Variants in NRG3 observed in about 807,000 individuals in gnomAD.
NRG3 encodes pro-neuregulin-3, membrane-bound isoform.
Under a neutral mutation model 66.9 loss-of-function variants are expected in NRG3, and 31 were observed. The ratio of observed to expected loss-of-function variants is 0.46; its 90% confidence interval spans 0.35 to 0.63. The LOEUF is 0.63. NRG3 is among the 20% of genes least tolerant of loss of function. NRG3 has a pLI of 0.00. For synonymous variants in NRG3, 393 were observed against 359.4 expected (o/e 1.09, Z -1.06); for missense variants, 910 against 878.9 (o/e 1.04, Z -0.45).
At chr10:82,279,883 C>A (rs1343816585) in intron 1 of NRG3, among the ~76,000 whole-genome samples, 6 of 152,112 alleles carry the variant, frequency 3.9e-5, no homozygotes, top group Non-Finnish European at 8.8e-5. Flanking sequence ...TAAGTAATGG[C>A]CTTTCTCTGG....
chr10:82,153,081 C>G (rs979643183), intron 1 of NRG3, among the ~76,000 whole-genome samples: 1 of 151,992 alleles, frequency 6.6e-6, no homozygotes, highest in Non-Finnish European at 1.5e-5. Flanking sequence ...CTTTTAAAAT[C>G]TACTCTTTTA....
At chr10:82,361,445 G>A (rs2084135452) in intron 2 of NRG3, among the ~76,000 whole-genome samples, 1 of 152,120 alleles carries the variant, frequency 6.6e-6, no homozygotes, top group Non-Finnish European at 1.5e-5. Context: ...GCTTTGCTGT[G>A]AATAAAAGGC....
chr10:82,304,921 C>A (rs543145451), intron 1 of NRG3, among the ~76,000 whole-genome samples: 3 of 149,934 alleles, frequency 2.0e-5, no homozygotes, highest in African/African-American at 7.4e-5. Context: ...TATTGACTAT[C>A]ACAGATCTTC....
At chr10:82,824,739 C>T (rs2062116423) in intron 3 of NRG3, among the ~76,000 whole-genome samples, 1 of 146,288 alleles carries the variant, frequency 6.8e-6, no homozygotes. Context: ...TTTTTTGAGG[C>T]AGGGTCTCAC....
intron 1 of NRG3, among the ~76,000 whole-genome samples, chr10:82,188,565 G>T (rs576140380): frequency 3.1e-4 from 47 of 152,070 alleles, no homozygotes; most frequent in African/African-American, 1.1e-3. Flanking sequence ...ACAAGGAATC[G>T]ATAACCAGAA....
chr10:82,493,686 G>A (rs1346015347), intron 2 of NRG3, among the ~76,000 whole-genome samples: 1 of 152,076 alleles, frequency 6.6e-6, no homozygotes, highest in Non-Finnish European at 1.5e-5. Context: ...CATAGGGATG[G>A]GCAAAGATTT....
intron 2 of NRG3, among the ~76,000 whole-genome samples, chr10:82,666,477 C>T (rs912289750): frequency 6.6e-6 from 1 of 152,162 alleles, no homozygotes; most frequent in Admixed American, 6.5e-5. Flanking sequence ...AGTCTGAAAT[C>T]CTCAGCCTTC....
chr10:82,116,669 G>T (rs1351687129), intron 1 of NRG3, among the ~76,000 whole-genome samples: 3 of 152,060 alleles, frequency 2.0e-5, no homozygotes, highest in Non-Finnish European at 4.4e-5. Context: ...ATTTCCTTTT[G>T]TAAACAAAAG....
At chr10:81,888,005 G>C (rs1276766501) in intron 1 of NRG3, among the ~76,000 whole-genome samples, 1 of 152,114 alleles carries the variant, frequency 6.6e-6, no homozygotes, top group African/African-American at 2.4e-5. Context: ...AAAAATAAGA[G>C]AAAACTTCAG....
At chr10:82,356,161 G>A (rs759316146) in intron 1 of NRG3, among the ~76,000 whole-genome samples, 4 of 152,058 alleles carry the variant, frequency 2.6e-5, no homozygotes, top group Non-Finnish European at 5.9e-5. Context: ...AGAATGGGGC[G>A]GTAACCACTA....
At chr10:82,239,212 G>A (rs2076898576) in intron 1 of NRG3, among the ~76,000 whole-genome samples, 1 of 151,896 alleles carries the variant, frequency 6.6e-6, no homozygotes, top group African/African-American at 2.4e-5. Flanking sequence ...GTATATATAT[G>A]CATATATACA....
intron 4 of NRG3, among the ~76,000 whole-genome samples, chr10:82,933,084 A>T (rs899484759): frequency 6.6e-6 from 1 of 152,130 alleles, no homozygotes; most frequent in South Asian, 2.1e-4. Context: ...GGAAGCAGCA[A>T]ATTTTCTCAG....
chr10:82,326,907 G>A lies in NRG3; in HGVS notation c.824-31832G>A, dbSNP rs186102475. Among the ~76,000 whole-genome samples the A allele has an allele frequency of 4.8e-3, 723 of 152,098 alleles. 5 individuals are homozygous for A. Among genetic ancestry groups the A allele is most frequent in the African/African-American group, 0.017 (694 of 41,426 alleles). ...AAAATTGTAATTACAAATTAGCTAT[G>A]TCAAAAAAAGATTGTTTAAAAAATA... On this transcript the variant is annotated intron_variant, in intron 1 of 8. Coordinates refer to ENST00000372141, the MANE Select transcript of NRG3 (RefSeq NM_001010848.4).
rs1036856436 is a variant in NRG3, at chr10:82,836,283, G to A, written c.1028-29128G>A. Reference sequence around the variant, plus strand: ...TATAAAAAAAAATTGATGATCATTGGTTTACAGAGATGTATTGAGAGTTAA... The same window carrying A: ...TATAAAAAAAAATTGATGATCATTGATTTACAGAGATGTATTGAGAGTTAA... On this transcript the variant is annotated intron_variant, in intron 3 of 8. Transcript: ENST00000372141. 2.6e-5 allele frequency among the ~76,000 whole-genome samples: 4 copies of A among 152,082 alleles called. No individual in the cohort carries two copies. The South Asian group carries it at 8.3e-4, about 31-fold the overall frequency.
intron 2 of NRG3, among the ~76,000 whole-genome samples, chr10:82,592,196 A>G (rs1223884112): frequency 6.6e-6 from 1 of 152,212 alleles, no homozygotes; most frequent in Non-Finnish European, 1.5e-5. Flanking sequence ...GAGAGCTTCC[A>G]GGTAAAGCAG....
chr10:82,432,811 C>T (rs971908201), intron 2 of NRG3, among the ~76,000 whole-genome samples: 1 of 152,088 alleles, frequency 6.6e-6, no homozygotes, highest in Non-Finnish European at 1.5e-5. Flanking sequence ...CTTTTTATGG[C>T]AGTATAGTGT....
intron 4 of NRG3, among the ~76,000 whole-genome samples, chr10:82,933,149 C>CA (rs2132180710): frequency 6.6e-6 from 1 of 152,298 alleles, no homozygotes; most frequent in East Asian, 1.9e-4. Flanking sequence ...CCCTGTAGTC[C>CA]AGGCAGCAGT....
intron 4 of NRG3, among the ~76,000 whole-genome samples, chr10:82,928,522 G>A (rs143403856): frequency 6.6e-6 from 1 of 151,446 alleles, no homozygotes; most frequent in Non-Finnish European, 1.5e-5. Flanking sequence ...TGTATAAGGT[G>A]TAATGAAGGG....
chr10:82,865,850 T>G (rs1398433937), intron 4 of NRG3, among the ~76,000 whole-genome samples: 1 of 152,202 alleles, frequency 6.6e-6, no homozygotes. Flanking sequence ...AGTTTTTAAA[T>G]TTTTACTTCT....
Sources: allele counts gnomAD v4.1 joint callset (sites outside exome capture counted in the v4.1 genomes callset), GRCh38; gene constraint gnomAD v4.1.1; transcripts MANE v1.5; gene names NCBI Gene and HGNC (gene_info 2026-07-23, HGNC 2026-07-21).